CLC: variants seen among roughly 807,000 people sequenced by gnomAD.
CLC encodes the protein Charcot-Leyden crystal galectin, also known as galectin-10.
CLC carries 15 observed loss-of-function variants against 13.9 expected under a neutral mutation model. The ratio of observed to expected loss-of-function variants is 1.08; its 90% CI spans 0.72 to 1.66. CLC has a LOEUF of 1.66. Ranked by LOEUF, CLC falls within the 40% of genes most tolerant of loss-of-function variation. The pLI is 0.00. For synonymous variants in CLC, 68 were observed against 59.9 expected (o/e 1.14, Z -0.63); for missense variants, 161 against 169.1 (o/e 0.95, Z 0.27).
At chr19:39,734,956 C>G (rs778071625) in intron 2 of CLC, 41 bp downstream of exon 2, 1 of 1,441,900 alleles carries the variant, frequency 6.9e-7, no homozygotes, top group African/African-American at 1.4e-5. Flanking sequence ...AAATATTCTT[C>G]CTCTTCTCCA....
Position 39,737,944 on chromosome 19 carries a change from C to T in CLC, c.9G>A (p.Leu3=), listed in dbSNP as rs1211761950. Reference sequence around the variant, plus strand: ...CTGTGCCTTTTTAACTCACGGGTAGCAGGGACATTGTTGTCTCCTTCTGGG... The same window carrying T: ...CTGTGCCTTTTTAACTCACGGGTAGTAGGGACATTGTTGTCTCCTTCTGGG... MS[L]LPVPYTEAAS... Residue 3 remains leucine, a synonymous_variant, in exon 1 of 4, where the codon CTG becomes CTA. Coordinates refer to ENST00000221804, the MANE Select transcript of CLC (RefSeq NM_001828.6). 6.2e-7 allele frequency: 1 copy of T among 1,613,024 alleles called. No homozygotes were observed. Among genetic ancestry groups the T allele is most frequent in the East Asian group, 2.2e-5 (1 of 44,882 alleles).
chr19:39,735,083 G>C lies in CLC; in HGVS notation c.16-10C>G. On this transcript the variant is annotated splice_polypyrimidine_tract_variant and intron_variant, in intron 1 of 3. Coordinates refer to ENST00000221804, the MANE Select transcript of CLC (RefSeq NM_001828.6). ...CCTCTGTGTATGGCACCTGCCAGGG[G>C]ATTGAGAGTGGGTGAGAGAGGCAGG... 9 of 1,609,058 alleles carry C rather than the reference G, an allele frequency of 5.6e-6. 1 individual carries two copies. The highest frequency in any genetic ancestry group is 7.7e-6 in the Non-Finnish European group (9 of 1,175,498).
At chr19:39,733,860 TA>T in intron 3 of CLC, 1 of 893,152 alleles carries the variant, frequency 1.1e-6, no homozygotes, top group Non-Finnish European at 1.3e-6. Context: ...TTGGACTGAC[TA>T]AAACAATTTT....
In CLC at chr19:39,734,312, T is replaced by C. The variant is rs73559726; in HGVS notation, c.274A>G (p.Ser92Gly). The C allele has an allele frequency of 7.9e-4, 1,276 of 1,613,936 alleles. 10 individuals are homozygous for C. In the African/African-American group the frequency reaches 0.014, roughly 18 times the overall value. The change falls in exon 3 of 4, where the codon AGC (serine) becomes GGC (glycine). Residue 92 changes from serine to glycine, a missense_variant. By Grantham distance (56) the Ser-to-Gly change is moderately conservative. Transcript: ENST00000221804. ...TACTTATCTGGCAGCACTGAGATGCTCAGTTCAAATTCTTGGCCATCCTGA... is the reference window on the plus strand; with the variant it reads ...TACTTATCTGGCAGCACTGAGATGCCCAGTTCAAATTCTTGGCCATCCTGA... ...PFQDGQEFELSISVLPDKYQV... is the reference protein window; with the variant it reads ...PFQDGQEFELGISVLPDKYQV...
chr19:39,734,990 T>G lies in CLC; in HGVS notation c.92+7A>C. On this transcript the variant is annotated splice_region_variant and intron_variant, in intron 2 of 3. Coordinates refer to ENST00000221804, the MANE Select transcript of CLC (RefSeq NM_001828.6). Reference sequence around the variant, plus strand: ...CACCTCCCATCTTTGCACCATGGAGTACTCACAAGAAACAGGCAAGTGGTC... The same window carrying G: ...CACCTCCCATCTTTGCACCATGGAGGACTCACAAGAAACAGGCAAGTGGTC... 1 of 1,597,406 alleles carries G rather than the reference T, an allele frequency of 6.3e-7. No homozygotes were observed. Among genetic ancestry groups the G allele is most frequent in the Non-Finnish European group, 8.6e-7 (1 of 1,164,820 alleles).
chr19:39,734,337 A>C lies in CLC; in HGVS notation c.249T>G (p.Phe83Leu). The change falls in exon 3 of 4, where the codon TTT becomes TTG. Residue 83 changes from phenylalanine to leucine, a missense_variant. Transcript: ENST00000221804. The stretch of plus-strand genomic sequence containing the variant: ...TCAGTTCAAATTCTTGGCCATCCTG[A>C]AAGGGCATATTCTTGGATTCCACCT... ...KQQVESKNMP[F>L]QDGQEFELSI... is the part of the protein sequence containing the mutation. 1 of 1,614,070 alleles carries C rather than the reference A, an allele frequency of 6.2e-7. No individual in the cohort carries two copies. The highest frequency in any genetic ancestry group is 8.5e-7 in the Non-Finnish European group (1 of 1,179,972).
At chr19:39,735,143 C>A in intron 1 of CLC, 70 bp from the exon 2 acceptor site, 1 of 1,070,268 alleles carries the variant, frequency 9.3e-7, no homozygotes, top group South Asian at 1.3e-5. Context: ...AACAGATTCC[C>A]ATGGTGCAGC....
chr19:39,734,641 T>C lies in CLC; in HGVS notation c.93-148A>G, dbSNP rs1967280487. The stretch of plus-strand genomic sequence containing the variant: ...TCATTGTGGGGCTGCTTCAGCTCCT[T>C]GTGTTCTCCATGGGTGGAAAGAGAT... On this transcript the variant is annotated intron_variant, in intron 2 of 3. Coordinates refer to ENST00000221804, the MANE Select transcript of CLC (RefSeq NM_001828.6). The C allele has an allele frequency of 1.0e-5, 7 of 677,268 alleles. No homozygotes were observed. The East Asian group carries it at 1.9e-4, about 18-fold the overall frequency. The allele number at this position is 677,268 out of a possible 1,614,324, so 42.0% of individuals were successfully genotyped here.
chr19:39,734,415 G>A lies in CLC; in HGVS notation c.171C>T (p.Cys57=), dbSNP rs1275149661. Residue 57 remains cysteine (C), a synonymous_variant, in exon 3 of 4, where the codon TGC becomes TGT. Coordinates refer to ENST00000221804, the MANE Select transcript of CLC (RefSeq NM_001828.6). The part of the protein sequence containing the change: ...ESDIVFHFQV[C]FGRRVVMNSR... ...TGTTCATGACCACACGACGACCAAA[G>A]CACACTTGGAAATGGAAGACAATGT... The A allele has an allele frequency of 6.2e-7, 1 of 1,613,996 alleles. No individual in the cohort carries two copies. Among genetic ancestry groups the A allele is most frequent in the South Asian group, 1.1e-5 (1 of 91,090 alleles).
intron 3 of CLC, 50 bp downstream of exon 3, chr19:39,734,233 G>T: frequency 6.3e-7 from 1 of 1,577,718 alleles, no homozygotes; most frequent in Non-Finnish European, 8.7e-7. Flanking sequence ...GCTGCCTCCT[G>T]CTCTGAGATC....
rs1967290907 is a variant in CLC at position 39,735,200 on chromosome 19, A to G, written c.16-127T>C. Reference sequence around the variant, plus strand: ...ACTCAGGCCTCCCTGCTCCCACCCTACCTCAGTCAGGACCCCGTATTTTTC... The same window carrying G: ...ACTCAGGCCTCCCTGCTCCCACCCTGCCTCAGTCAGGACCCCGTATTTTTC... On this transcript the variant is annotated intron_variant, in intron 1 of 3. Transcript: ENST00000221804. 3.3e-5 allele frequency: 22 copies of G among 666,278 alleles called. 1 individual carries two copies. The South Asian group carries it at 3.9e-4, about 12-fold the overall frequency. 41.3% of individuals were successfully genotyped at this position (666,278 alleles called of 1,614,324 possible).
At chr19:39,733,879 TG>T (rs1967265614) in intron 3 of CLC, 1 of 944,904 alleles carries the variant, frequency 1.1e-6, no homozygotes, top group South Asian at 4.9e-5. Context: ...TTTATTCATG[TG>T]TATATCTTAT....
At chr19:39,731,968 C>T (rs75339357) in intron 3 of CLC, among the ~76,000 whole-genome samples, 11,535 of 152,088 alleles carry the variant, frequency 0.076, 1,195 homozygotes, top group East Asian at 0.39. Context: ...GAGCTAGTGG[C>T]GGCAAGGAAT....
intron 1 of CLC, among the ~76,000 whole-genome samples, chr19:39,736,667 C>T (rs1312682501): frequency 1.3e-5 from 2 of 151,374 alleles, no homozygotes; most frequent in East Asian, 1.9e-4. Flanking sequence ...CCCAGCTACT[C>T]GGGAAGCTGA....
chr19:39,736,839 G>GC (rs1360951647), intron 1 of CLC, among the ~76,000 whole-genome samples: 4 of 151,300 alleles, frequency 2.6e-5, no homozygotes, highest in Non-Finnish European at 5.9e-5. Flanking sequence ...TCTTGCATAT[G>GC]CCCCCCAGCA....
chr19:39,733,454 G>T (rs1039610670), intron 3 of CLC, among the ~76,000 whole-genome samples: 2 of 152,086 alleles, frequency 1.3e-5, no homozygotes, highest in Non-Finnish European at 2.9e-5. Flanking sequence ...AATATAAATA[G>T]GGAAAAGTTG....
chr19:39,732,623 G>T (rs1967243045), intron 3 of CLC, among the ~76,000 whole-genome samples: 1 of 125,372 alleles, frequency 8.0e-6, no homozygotes, highest in Non-Finnish European at 1.7e-5. Context: ...GGGTCAAATG[G>T]TATTTCTAGT....
intron 3 of CLC, chr19:39,733,777 A>ACTGT (rs1555776212): frequency 5.2e-6 from 1 of 193,096 alleles, no homozygotes; most frequent in African/African-American, 2.4e-5. Context: ...ATAAGGATAG[A>ACTGT]CTATGGAAGA....
Position 39,731,315 on chromosome 19 carries a change from G to A in CLC, c.*65C>T, listed in dbSNP as rs1169602870. 6.6e-7 allele frequency: 1 copy of A among 1,525,962 alleles called. No homozygotes were observed. The highest frequency in any genetic ancestry group is 9.1e-7 in the Non-Finnish European group (1 of 1,103,352). The allele number at this position is 1,525,962 out of a possible 1,614,324, so 94.5% of individuals were successfully genotyped here. A position where few individuals can be genotyped will look rare whatever the true frequency, so the allele number is the denominator to read the frequency against. On this transcript the variant is annotated 3_prime_UTR_variant, in exon 4 of 4. Transcript: ENST00000221804. ...GATTGAAGTGAGAAAAGATCATGCT[G>A]TTAGCTGGCTTTGGAATCCCAAGTT...
Sources: allele counts gnomAD v4.1 joint callset (sites outside exome capture counted in the v4.1 genomes callset), GRCh38; gene constraint gnomAD v4.1.1; transcripts MANE v1.5; gene names NCBI Gene and HGNC (gene_info 2026-07-23, HGNC 2026-07-21).